Variants in CFB observed in about 807,000 individuals in gnomAD.
CFB encodes B-factor, properdin.
In CFB, 59 loss-of-function variants were observed where a neutral mutation model predicts 97.2. That is an observed-to-expected ratio of 0.61 (90% CI 0.49 to 0.75). The LOEUF is 0.75. CFB is among the 30% of genes least tolerant of loss of function. The pLI is 0.00. For synonymous variants in CFB, 316 were observed against 351.7 expected (o/e 0.90, Z 1.14); for missense variants, 771 against 959.8 (o/e 0.80, Z 2.60).
At position 31,947,272 on chromosome 6, in the gene CFB, CTG is replaced by C; in HGVS notation, c.485-74_485-73del. 6.2e-7 allele frequency: 1 copy of C among 1,611,272 alleles called. No individual in the cohort carries two copies. Among genetic ancestry groups the C allele is most frequent in the East Asian group, 2.2e-5 (1 of 44,878 alleles). ...AGGAGTGGGCACTCGGCTCCGGACA[CTG>C]TAACTCTTGCTCTCTACCTTGCTCA... is the stretch of plus-strand genomic sequence containing the variant. On this transcript the variant is annotated intron_variant, in intron 3 of 17. Transcript: ENST00000425368. The surrounding 1 kb of genome is among the most constrained non-coding windows in gnomAD (Gnocchi z 5.3).
Position 31,952,076 on chromosome 6 carries a change from G to C in CFB, c.*46G>C, listed in dbSNP as rs1771808882. ...GGCGTGGGATTGAATTAAAACAGCT[G>C]CGACAACACCTGTGTTCCAGATCCT... is the stretch of plus-strand genomic sequence containing the variant. On this transcript the variant is annotated 3_prime_UTR_variant, in exon 18 of 18. Coordinates refer to ENST00000425368, the MANE Select transcript of CFB (RefSeq NM_001710.6). 2.5e-6 allele frequency: 4 copies of C among 1,608,472 alleles called. No individual in the cohort carries two copies. Among genetic ancestry groups the C allele is most frequent in the Non-Finnish European group, 2.5e-6 (3 of 1,178,482 alleles).
Position 31,947,182 on chromosome 6 carries a change from TGACAAC to T in CFB, c.476_481del (p.Asp159_Asn160del), listed in dbSNP as rs1771482771. Reference sequence around the variant, plus strand: ...GATGGAGTGGGCAGACAGCGATCTGTGACAACGGAGGTGAGAAGCATCCCCTCCCCC... The same window carrying T: ...GATGGAGTGGGCAGACAGCGATCTGTGGAGGTGAGAAGCATCCCCTCCCCC... On this transcript the variant is annotated inframe_deletion, in exon 3 of 18. Transcript: ENST00000425368. This position sits in a 1 kb window ranked among gnomAD's most constrained non-coding sequence, Gnocchi z 5.3. The T allele has an allele frequency of 6.2e-7, 1 of 1,612,434 alleles. No homozygotes were observed.
chr6:31,947,207 C>G lies in CFB; in HGVS notation c.484+15C>G. 1.2e-6 allele frequency: 2 copies of G among 1,612,628 alleles called. No individual in the cohort carries two copies. Among genetic ancestry groups the G allele is most frequent in the Non-Finnish European group, 1.7e-6 (2 of 1,180,002 alleles). On this transcript the variant is annotated intron_variant, in intron 3 of 17. Transcript: ENST00000425368. This position sits in a 1 kb window ranked among gnomAD's most constrained non-coding sequence, Gnocchi z 5.3. ...TGACAACGGAGGTGAGAAGCATCCC[C>G]TCCCCCTACATTGCTGTCTCCCTGA... is the stretch of plus-strand genomic sequence containing the variant.
At chr6:31,949,914 C>T (rs1771645371) in intron 10 of CFB, 136 bp from the exon 11 acceptor site, 2 of 858,550 alleles carry the variant, frequency 2.3e-6, no homozygotes, top group Non-Finnish European at 3.9e-6. Context: ...TTTCTCCTAA[C>T]ACGAGGAAAC....
Position 31,947,888 on chromosome 6 carries a change from A to T in CFB, c.760+45A>T. The T allele has an allele frequency of 6.2e-7, 1 of 1,614,118 alleles. No homozygotes were observed. Among genetic ancestry groups the T allele is most frequent in the Non-Finnish European group, 8.5e-7 (1 of 1,180,024 alleles). On this transcript the variant is annotated intron_variant, in intron 5 of 17. Transcript: ENST00000425368. This position sits in a 1 kb window ranked among gnomAD's most constrained non-coding sequence, Gnocchi z 5.3. ...AGGCAGGGCAGGGAACTGGGGGAAAATGGAGAAGGGACAGAACTGTTAATG... is the reference window on the plus strand; with the variant it reads ...AGGCAGGGCAGGGAACTGGGGGAAATTGGAGAAGGGACAGAACTGTTAATG...
At position 31,950,319 on chromosome 6, in the gene CFB, G is replaced by A. The variant is rs1388436433; in HGVS notation, c.1540G>A (p.Ala514Thr). 2 of 1,613,104 alleles carry A rather than the reference G, an allele frequency of 1.2e-6. No homozygotes were observed. The highest frequency in any genetic ancestry group is 1.3e-5 in the African/African-American group (1 of 75,056). The change falls in exon 12 of 18, where the codon GCT becomes ACT. Residue 514 changes from alanine (A) to threonine (T), a missense_variant. Ala to Thr is a moderately conservative substitution (Grantham distance 58). Coordinates refer to ENST00000425368, the MANE Select transcript of CFB (RefSeq NM_001710.6). ...AAAGGGACACGAGAGCTGTATGGGGGCTGTGGTGTCTGAGTACTTTGTGCT... is the reference window on the plus strand; with the variant it reads ...AAAGGGACACGAGAGCTGTATGGGGACTGTGGTGTCTGAGTACTTTGTGCT... ...PSKGHESCMG[A>T]VVSEYFVLTA...
chr6:31,950,503 C>A, intron 12 of CFB, 100 bp downstream of exon 12: 1 of 1,569,958 alleles, frequency 6.4e-7, no homozygotes, highest in Non-Finnish European at 8.7e-7. Context: ...CAATGCAGCC[C>A]CATTCCTTGC....
At chr6:31,949,625 T>A (rs1217188795) in intron 10 of CFB, 68 bp downstream of exon 10, 24 of 1,585,588 alleles carry the variant, frequency 1.5e-5, no homozygotes, top group Non-Finnish European at 1.9e-5. Flanking sequence ...TCATTCTTCC[T>A]CTACACCTGA....
rs1292446333 is a variant in CFB at position 31,951,902 on chromosome 6, G to A, written c.2167G>A (p.Asp723Asn). The A allele has an allele frequency of 4.3e-6, 7 of 1,613,026 alleles. No individual in the cohort carries two copies. Among genetic ancestry groups the A allele is most frequent in the South Asian group, 3.3e-5 (3 of 91,092 alleles). Reference sequence around the variant, plus strand: ...TGGTGTAATCAGCTGGGGAGTAGTGGATGTCTGCAAAAACCAGAAGCGGCA... The same window carrying A: ...TGGTGTAATCAGCTGGGGAGTAGTGAATGTCTGCAAAAACCAGAAGCGGCA... ...QVGVISWGVVDVCKNQKRQKQ... is the reference protein window; with the variant it reads ...QVGVISWGVVNVCKNQKRQKQ... Residue 723 changes from aspartate to asparagine, a missense_variant, in exon 18 of 18, where the codon GAT (aspartate) becomes AAT (asparagine). By Grantham distance (23) the Asp-to-Asn change is conservative. Transcript: ENST00000425368. The surrounding 1 kb of genome is among the most constrained non-coding windows in gnomAD (Gnocchi z 4.3).
At chr6:31,949,897 T>C (rs1197691321) in intron 10 of CFB, 153 bp from the exon 11 acceptor site, 3 of 795,510 alleles carry the variant, frequency 3.8e-6, no homozygotes, top group Admixed American at 2.0e-5. Context: ...CAGTCCACCA[T>C]AGCAGTTTTC....
chr6:31,947,818 C>T lies in CFB; in HGVS notation c.735C>T (p.Val245=), dbSNP rs777516147. The part of the protein sequence containing the change: ...LSSLTETIEG[V]DAEDGHGPGE... The stretch of plus-strand genomic sequence containing the variant: ...CCCTGACAGAGACCATAGAAGGAGT[C>T]GATGCTGAGGATGGGCACGGCCCAG... Residue 245 remains valine, a synonymous_variant, in exon 5 of 18, where the codon GTC becomes GTT. Coordinates refer to ENST00000425368, the MANE Select transcript of CFB (RefSeq NM_001710.6). This position sits in a 1 kb window ranked among gnomAD's most constrained non-coding sequence, Gnocchi z 5.3. 15 of 1,613,662 alleles carry T rather than the reference C, an allele frequency of 9.3e-6. No homozygotes were observed. Among genetic ancestry groups the T allele is most frequent in the East Asian group, 2.2e-5 (1 of 44,874 alleles).
chr6:31,946,135 T>C lies in CFB; in HGVS notation c.-87T>C, dbSNP rs1225123120. On this transcript the variant is annotated 5_prime_UTR_variant, in exon 1 of 18. Coordinates refer to ENST00000425368, the MANE Select transcript of CFB (RefSeq NM_001710.6). This position sits in a 1 kb window ranked among gnomAD's most constrained non-coding sequence, Gnocchi z 6.4. ...CCAGGTCTAGGTCTGGAGTTTCAGC[T>C]TGGACACTGAGCCAAGCAGACAAGC... 9 of 1,386,340 alleles carry C rather than the reference T, an allele frequency of 6.5e-6. No homozygotes were observed. In the African/African-American group the frequency reaches 8.5e-5, roughly 13 times the overall value. 85.9% of individuals were successfully genotyped at this position (1,386,340 alleles called of 1,614,324 possible).
At position 31,951,397 on chromosome 6, in the gene CFB, C is replaced by A; in HGVS notation, c.2013C>A (p.Asp671Glu). ...CCCCAGGCTATGACAAAGTCAAGGA[C>A]ATCTCAGAGGTGGTCACCCCTCGGT... ...QYAPGYDKVK[D>E]ISEVVTPRFL... The change falls in exon 16 of 18, where the codon GAC becomes GAA. Residue 671 changes from aspartate (D) to glutamate (E), a missense_variant. Transcript: ENST00000425368. This position sits in a 1 kb window ranked among gnomAD's most constrained non-coding sequence, Gnocchi z 4.3. 6.2e-7 allele frequency: 1 copy of A among 1,614,178 alleles called. No individual in the cohort carries two copies. Among genetic ancestry groups the A allele is most frequent in the South Asian group, 1.1e-5 (1 of 91,084 alleles).
At position 31,948,449 on chromosome 6, in the gene CFB, T is replaced by A. The variant is rs1189687219; in HGVS notation, c.973T>A (p.Ser325Thr). The change falls in exon 7 of 18, where the codon TCT (serine) becomes ACT (threonine). Residue 325 changes from serine (S) to threonine (T), a missense_variant. Ser to Thr is a moderately conservative substitution (Grantham distance 58). Coordinates refer to ENST00000425368, the MANE Select transcript of CFB (RefSeq NM_001710.6). ...ATYPKIWVKV[S>T]EADSSNADWV... ...ATACCCCAAAATTTGGGTCAAAGTG[T>A]CTGAAGCAGACAGCAGTAATGCAGA... 1 of 1,614,168 alleles carries A rather than the reference T, an allele frequency of 6.2e-7. No homozygotes were observed. The highest frequency in any genetic ancestry group is 8.5e-7 in the Non-Finnish European group (1 of 1,180,042).
rs1014645633 is a variant in CFB, at chr6:31,946,415, C to T, written c.107C>T (p.Ser36Phe). 6.2e-7 allele frequency: 1 copy of T among 1,613,082 alleles called. No homozygotes were observed. Residue 36 changes from serine to phenylalanine, a missense_variant, in exon 2 of 18, where the codon TCC becomes TTC. Physicochemically the swap from Ser to Phe is radical, Grantham distance 155. Coordinates refer to ENST00000425368, the MANE Select transcript of CFB (RefSeq NM_001710.6). The surrounding 1 kb of genome is among the most constrained non-coding windows in gnomAD (Gnocchi z 6.4). ...TGGTCTTTGGCCCGGCCCCAGGGATCCTGCTCTCTGGAGGGGGTAGAGATC... is the reference window on the plus strand; with the variant it reads ...TGGTCTTTGGCCCGGCCCCAGGGATTCTGCTCTCTGGAGGGGGTAGAGATC... ...TPWSLARPQG[S>F]CSLEGVEIKG... is the part of the protein sequence containing the mutation.
rs1168077199 is a variant in CFB at position 31,947,379 on chromosome 6, T to G, written c.516T>G (p.Ile172Met). The change falls in exon 4 of 18, where the codon ATT becomes ATG. Residue 172 changes from isoleucine (I) to methionine (M), a missense_variant. By Grantham distance (10) the Ile-to-Met change is conservative. Transcript: ENST00000425368. The surrounding 1 kb of genome is among the most constrained non-coding windows in gnomAD (Gnocchi z 5.3). ...ACTGCTCCAACCCGGGCATCCCCATTGGCACAAGGAAGGTGGGCAGCCAGT... is the reference window on the plus strand; with the variant it reads ...ACTGCTCCAACCCGGGCATCCCCATGGGCACAAGGAAGGTGGGCAGCCAGT... ...AGYCSNPGIP[I>M]GTRKVGSQYR... The G allele has an allele frequency of 6.2e-7, 1 of 1,612,892 alleles. No homozygotes were observed. Among genetic ancestry groups the G allele is most frequent in the Non-Finnish European group, 8.5e-7 (1 of 1,180,016 alleles).
At chr6:31,948,594 G>A in intron 7 of CFB, 82 bp downstream of exon 7, 3 of 1,594,326 alleles carry the variant, frequency 1.9e-6, no homozygotes, top group Non-Finnish European at 2.6e-6. Flanking sequence ...TACCTTGAGG[G>A]CGACAGGGAG....
rs1433905004 is a variant in CFB, at chr6:31,951,176, GCT to G, written c.1891_1892del (p.Leu631ValfsTer4). 2.5e-6 allele frequency: 4 copies of G among 1,612,914 alleles called. No individual in the cohort carries two copies. The highest frequency in any genetic ancestry group is 1.1e-5 in the South Asian group (1 of 91,084). On this transcript the variant is annotated frameshift_variant, in exon 15 of 18. Transcript: ENST00000425368. LOFTEE classifies it high-confidence loss of function. The surrounding 1 kb of genome is among the most constrained non-coding windows in gnomAD (Gnocchi z 4.3). ...GCTGCTCCCTGCACAGGATATCAAAGCTCTGTTTGTGTCTGAGGAGGAGAAAA... is the reference window on the plus strand; with the variant it reads ...GCTGCTCCCTGCACAGGATATCAAAGCTGTTTGTGTCTGAGGAGGAGAAAA... ...EELLPAQDIK[A>X]LFVSEEEKKL... is the part of the protein sequence containing the mutation.
intron 6 of CFB, 62 bp from the exon 7 acceptor site, chr6:31,948,312 A>C: frequency 1.2e-6 from 2 of 1,611,592 alleles, no homozygotes; most frequent in Non-Finnish European, 1.7e-6. Context: ...AAAGTCGCTG[A>C]AATCTCCCAA....
Sources: gnomAD v4.1 joint callset for allele counts on GRCh38, gnomAD v4.1.1 for gene constraint, Gnocchi (gnomAD v3.1) non-coding constraint, MANE v1.5 for transcripts, NCBI Gene and HGNC (gene_info 2026-07-23, HGNC 2026-07-21) for gene names.